Variants in CALN1 observed in about 807,000 individuals in gnomAD.
The protein encoded by CALN1 is calneuron 1, also known as calcium-binding protein 8.
A neutral mutation model predicts 30.6 loss-of-function variants in CALN1; 17 were observed. The observed-to-expected ratio is 0.56, with a 90% CI of 0.38 to 0.83. The LOEUF is 0.83. CALN1 is among the 40% of genes least tolerant of loss of function. The pLI is 0.00. For synonymous variants in CALN1, 156 were observed against 131.4 expected (o/e 1.19, Z -1.28); for missense variants, 291 against 354.9 (o/e 0.82, Z 1.45).
At chr7:72,140,096 C>T (rs1809787524) in intron 3 of CALN1, among the ~76,000 whole-genome samples, 3 of 151,876 alleles carry the variant, frequency 2.0e-5, no homozygotes, top group African/African-American at 4.8e-5. Context: ...CAAAGTAACA[C>T]CCTGTCTCTG....
chr7:72,232,422 T>C (rs1311008188), intron 3 of CALN1, among the ~76,000 whole-genome samples: 1 of 152,158 alleles, frequency 6.6e-6, no homozygotes, highest in East Asian at 1.9e-4. Context: ...TTATTGTCAC[T>C]TCATGCAATG....
chr7:72,189,590 T>A (rs1340902828), intron 3 of CALN1, among the ~76,000 whole-genome samples: 1 of 151,934 alleles, frequency 6.6e-6, no homozygotes, highest in East Asian at 1.9e-4. Context: ...CTGGCCATTG[T>A]GGTGAAACTC....
intron 3 of CALN1, among the ~76,000 whole-genome samples, chr7:72,217,604 G>A (rs1562753106): frequency 6.6e-6 from 1 of 151,984 alleles, no homozygotes; most frequent in Admixed American, 6.6e-5. Flanking sequence ...ATCAGAGAAG[G>A]TCTAGGGGAA....
At chr7:72,026,775 A>G (rs1046346380) in intron 4 of CALN1, among the ~76,000 whole-genome samples, 3 of 152,188 alleles carry the variant, frequency 2.0e-5, no homozygotes, top group African/African-American at 4.8e-5. Context: ...ATAGAACAAG[A>G]TATTTGCCTA....
chr7:72,018,488 C>T (rs1800526479), intron 5 of CALN1, among the ~76,000 whole-genome samples: 2 of 152,068 alleles, frequency 1.3e-5, no homozygotes, highest in Admixed American at 6.6e-5. Flanking sequence ...GCTTGATGAA[C>T]GAAGACTAAG....
intron 4 of CALN1, among the ~76,000 whole-genome samples, chr7:72,066,806 G>A (rs529774475): frequency 2.0e-5 from 3 of 150,486 alleles, no homozygotes; most frequent in African/African-American, 7.3e-5. Context: ...TTTTGAGACA[G>A]AGTCTCACTC....
At chr7:72,426,336 A>AG (rs1364024846) in intron 1 of CALN1, among the ~76,000 whole-genome samples, 2 of 152,216 alleles carry the variant, frequency 1.3e-5, no homozygotes, top group Non-Finnish European at 1.5e-5. Context: ...AGACCAGGTA[A>AG]GAGGTGATTG....
chr7:72,269,082 C>G (rs1480053653), intron 3 of CALN1, among the ~76,000 whole-genome samples: 1 of 152,124 alleles, frequency 6.6e-6, no homozygotes, highest in Non-Finnish European at 1.5e-5. Flanking sequence ...GCTGCACGAA[C>G]TAGAATCTGC....
At chr7:72,203,631 C>A (rs1475730715) in intron 3 of CALN1, among the ~76,000 whole-genome samples, 2 of 152,140 alleles carry the variant, frequency 1.3e-5, no homozygotes, top group Non-Finnish European at 2.9e-5. Context: ...TAAAACAATC[C>A]CTGGTGCTTC....
intron 5 of CALN1, among the ~76,000 whole-genome samples, chr7:71,895,399 C>A (rs1209878022): frequency 6.6e-6 from 1 of 151,604 alleles, no homozygotes; most frequent in Non-Finnish European, 1.5e-5. Flanking sequence ...TTTAATTGTT[C>A]CTCTTGTTTT....
intron 3 of CALN1, among the ~76,000 whole-genome samples, chr7:72,224,147 C>T (rs1187422196): frequency 6.6e-6 from 1 of 152,066 alleles, no homozygotes; most frequent in East Asian, 1.9e-4. Flanking sequence ...ACCCTTGTAA[C>T]AAACTGGCAT....
intron 3 of CALN1, among the ~76,000 whole-genome samples, chr7:72,206,901 C>CA (rs1330146722): frequency 2.0e-5 from 3 of 152,152 alleles, no homozygotes; most frequent in Non-Finnish European, 2.9e-5. Flanking sequence ...ATGGGAATCT[C>CA]ATTGAATGAG....
intron 5 of CALN1, among the ~76,000 whole-genome samples, chr7:71,846,932 T>C (rs1790295041): frequency 1.4e-5 from 2 of 146,304 alleles, no homozygotes; most frequent in Admixed American, 7.0e-5. Flanking sequence ...ATATTATATA[T>C]ACATATATGT....
intron 5 of CALN1, among the ~76,000 whole-genome samples, chr7:71,937,447 A>ATATATAGATGTATAATTATACATC (rs200075325): frequency 7.4e-4 from 85 of 115,448 alleles, no homozygotes; most frequent in Middle Eastern, 4.0e-3. Flanking sequence ...TATACATCTA[A>ATATATAGATGTATAATTATACATC]TATATATATA....
At chr7:71,991,219 G>C (rs1306226487) in intron 5 of CALN1, among the ~76,000 whole-genome samples, 5 of 152,192 alleles carry the variant, frequency 3.3e-5, no homozygotes, top group Admixed American at 2.0e-4. Flanking sequence ...AGCAATTTGG[G>C]AGGCCAAGGC....
chr7:72,455,761 G>A, the CALN1 span, among the ~76,000 whole-genome samples: 1 of 152,144 alleles, frequency 6.6e-6, no homozygotes, highest in Non-Finnish European at 1.5e-5. Flanking sequence ...AAGATTCCCA[G>A]GCTCCAAGCA....
chr7:72,002,974 T>C (rs1355880514), intron 5 of CALN1, among the ~76,000 whole-genome samples: 1 of 152,190 alleles, frequency 6.6e-6, no homozygotes, highest in East Asian at 1.9e-4. Context: ...AGGAGATCTA[T>C]TATATAATAT....
chr7:72,000,409 C>T (rs1799466668), intron 5 of CALN1, among the ~76,000 whole-genome samples: 1 of 151,632 alleles, frequency 6.6e-6, no homozygotes, highest in Non-Finnish European at 1.5e-5. Flanking sequence ...ATTTTATACT[C>T]ATAAATTCAA....
At chr7:72,457,862 C>G in the CALN1 span, among the ~76,000 whole-genome samples, 7 of 150,870 alleles carry the variant, frequency 4.6e-5, no homozygotes, top group Middle Eastern at 6.8e-3. Context: ...CTCAAGTGAT[C>G]CTCCCACCTC....
Sources: gnomAD v4.1 joint callset for allele counts (sites outside exome capture counted in the v4.1 genomes callset) on GRCh38, gnomAD v4.1.1 for gene constraint, MANE v1.5 for transcripts, NCBI Gene and HGNC (gene_info 2026-07-23, HGNC 2026-07-21) for gene names.